Variants in ADGRL2 observed in about 807,000 individuals in gnomAD.
ADGRL2 encodes calcium-independent alpha-latrotoxin receptor 2.
In ADGRL2, 44 loss-of-function variants were observed where a neutral mutation model predicts 157.4. That is an observed-to-expected ratio of 0.28 (90% CI 0.22 to 0.36). The LOEUF is 0.36. Ranked by LOEUF, ADGRL2 falls within the 10% of genes least tolerant of loss-of-function variation. The pLI is 1.00. For synonymous variants in ADGRL2, 585 were observed against 624.7 expected (o/e 0.94, Z 0.95); for missense variants, 1,510 against 1,768.9 (o/e 0.85, Z 2.63).
rs183130403 is a variant in ADGRL2, at chr1:81,855,917, G to T, written c.73+18860G>T. On this transcript the variant is annotated intron_variant, in intron 2 of 23. Coordinates refer to ENST00000686636, the MANE Select transcript of ADGRL2 (RefSeq NM_001366006.2). ...TTCCGAAGTCATATTCACAGTAGAA[G>T]TGAGGCAATTTGGCAGATCGCTGAT... is the stretch of plus-strand genomic sequence containing the variant. Among the ~76,000 whole-genome samples the T allele has an allele frequency of 2.0e-3, 302 of 152,304 alleles. 2 individuals are homozygous for T. Among genetic ancestry groups the T allele is most frequent in the Middle Eastern group, 0.014 (4 of 294 alleles).
chr1:81,442,620 A>G (rs1416993416), intron 1 of ADGRL2, among the ~76,000 whole-genome samples: 1 of 152,076 alleles, frequency 6.6e-6, no homozygotes, highest in Admixed American at 6.6e-5. Flanking sequence ...GAACCTTTAC[A>G]GTTATGTTGG....
intron 1 of ADGRL2, among the ~76,000 whole-genome samples, chr1:81,338,065 A>T (rs577125008): frequency 6.3e-4 from 96 of 152,310 alleles, no homozygotes; most frequent in Non-Finnish European, 7.5e-4. Flanking sequence ...GACTTACTAC[A>T]ATTCAGACTA....
intron 1 of ADGRL2, among the ~76,000 whole-genome samples, chr1:81,831,520 T>G (rs2091944392): frequency 6.6e-6 from 1 of 152,146 alleles, no homozygotes; most frequent in Non-Finnish European, 1.5e-5. Context: ...ACATAATTAG[T>G]AACAGTAGTG....
chr1:81,980,448 A>G (rs1041883104), intron 18 of ADGRL2, among the ~76,000 whole-genome samples: 2 of 151,738 alleles, frequency 1.3e-5, no homozygotes, highest in Non-Finnish European at 3.0e-5. Context: ...AAAAGCTGCA[A>G]TATTCTGTCA....
At chr1:81,804,646 A>G (rs943858378) in intron 1 of ADGRL2, among the ~76,000 whole-genome samples, 2 of 152,228 alleles carry the variant, frequency 1.3e-5, no homozygotes, top group African/African-American at 2.4e-5. Flanking sequence ...ATTATTTTCT[A>G]TTGATAAATG....
At chr1:81,416,323 AAAAAGAAAAG>A (rs1239875893) in intron 1 of ADGRL2, among the ~76,000 whole-genome samples, 2 of 151,068 alleles carry the variant, frequency 1.3e-5, no homozygotes, top group African/African-American at 2.4e-5. Context: ...TTGCAAAAAA[AAAAAGAAAAG>A]AAAAGAAAAG....
intron 3 of ADGRL2, among the ~76,000 whole-genome samples, chr1:81,604,684 G>A (rs1373607032): frequency 6.6e-6 from 1 of 152,092 alleles, no homozygotes; most frequent in Non-Finnish European, 1.5e-5. Context: ...TATCCTTTTT[G>A]AGAGTCCAGG....
chr1:81,437,669 A>G (rs976483906), intron 1 of ADGRL2, among the ~76,000 whole-genome samples: 6 of 152,206 alleles, frequency 3.9e-5, no homozygotes, highest in Non-Finnish European at 7.3e-5. Flanking sequence ...CAGCCAGAAA[A>G]ATATTATGAT....
intron 2 of ADGRL2, among the ~76,000 whole-genome samples, chr1:81,531,666 G>A (rs2079602475): frequency 6.6e-6 from 1 of 151,976 alleles, no homozygotes; most frequent in Non-Finnish European, 1.5e-5. Context: ...TAGATCGGGG[G>A]AAAAAAACAG....
intron 1 of ADGRL2, among the ~76,000 whole-genome samples, chr1:81,338,498 T>C (rs1410810804): frequency 6.6e-6 from 1 of 152,192 alleles, no homozygotes; most frequent in Admixed American, 6.5e-5. Context: ...AATGATTACA[T>C]GGTGTCTAAC....
chr1:81,556,353 C>G (rs1278678844), intron 2 of ADGRL2, among the ~76,000 whole-genome samples: 1 of 120,186 alleles, frequency 8.3e-6, no homozygotes, highest in Non-Finnish European at 1.6e-5. Flanking sequence ...GAGTCTCACT[C>G]TGTCACCCAG....
intron 3 of ADGRL2, among the ~76,000 whole-genome samples, chr1:81,664,775 C>T (rs1416542171): frequency 6.6e-6 from 1 of 152,076 alleles, no homozygotes; most frequent in Non-Finnish European, 1.5e-5. Flanking sequence ...CCTCTATAGT[C>T]CTAGGATATA....
chr1:81,449,415 G>A (rs2077664371), intron 2 of ADGRL2, among the ~76,000 whole-genome samples: 1 of 152,196 alleles, frequency 6.6e-6, no homozygotes, highest in Non-Finnish European at 1.5e-5. Context: ...ATCCTAAGAA[G>A]TCTTTCACTC....
At chr1:81,341,030 A>G (rs1256658648) in intron 1 of ADGRL2, among the ~76,000 whole-genome samples, 1 of 152,022 alleles carries the variant, frequency 6.6e-6, no homozygotes, top group Non-Finnish European at 1.5e-5. Flanking sequence ...TATGTTTGAA[A>G]CCTATCACAT....
chr1:81,630,125 A>T (rs1161357515), intron 3 of ADGRL2, among the ~76,000 whole-genome samples: 1 of 152,110 alleles, frequency 6.6e-6, no homozygotes, highest in African/African-American at 2.4e-5. Flanking sequence ...ATTTCCTAGA[A>T]GCAGAGCTGA....
At chr1:81,386,462 G>C (rs975221619) in intron 1 of ADGRL2, among the ~76,000 whole-genome samples, 1 of 152,132 alleles carries the variant, frequency 6.6e-6, no homozygotes, top group African/African-American at 2.4e-5. Flanking sequence ...CATGGTAACA[G>C]ATGTGCATCC....
intron 2 of ADGRL2, among the ~76,000 whole-genome samples, chr1:81,526,074 A>G (rs2079447312): frequency 6.9e-6 from 1 of 144,180 alleles, no homozygotes; most frequent in South Asian, 2.2e-4. Context: ...TTAATTGGAC[A>G]AAGAATTTTC....
intron 2 of ADGRL2, among the ~76,000 whole-genome samples, chr1:81,520,131 A>G (rs540686589): frequency 1.3e-5 from 2 of 152,326 alleles, no homozygotes; most frequent in Admixed American, 1.3e-4. Flanking sequence ...TGAGAATGAC[A>G]AAGTAAACAA....
intron 3 of ADGRL2, among the ~76,000 whole-genome samples, chr1:81,635,241 C>G (rs1357736456): frequency 6.6e-6 from 1 of 152,142 alleles, no homozygotes; most frequent in African/African-American, 2.4e-5. Flanking sequence ...TCTCCATTTC[C>G]CCTCTGGTGC....
Sources: allele counts gnomAD v4.1 joint callset (sites outside exome capture counted in the v4.1 genomes callset), GRCh38; gene constraint gnomAD v4.1.1; transcripts MANE v1.5; gene names NCBI Gene and HGNC (gene_info 2026-07-23, HGNC 2026-07-21).